Variants in CDH13 observed in about 807,000 individuals in gnomAD.
CDH13 encodes cadherin-13.
A neutral mutation model predicts 63.8 loss-of-function variants in CDH13; 24 were observed. The observed-to-expected ratio is 0.38, with a 90% CI of 0.27 to 0.53. The LOEUF is 0.53. Among genes scored for constraint, CDH13 ranks in the 20% least tolerant of loss-of-function variants. The pLI is 0.85. For synonymous variants in CDH13, 503 were observed against 355.3 expected (o/e 1.42, Z -4.67); for missense variants, 1,049 against 903.1 (o/e 1.16, Z -2.07).
chr16:82,638,825 C>CGCGCGCGCGT (rs1317668459), intron 1 of CDH13, among the ~76,000 whole-genome samples: 24 of 43,592 alleles, frequency 5.5e-4, no homozygotes, highest in Non-Finnish European at 1.0e-3. Context: ...GCAGTGTGTG[C>CGCGCGCGCGT]GTGTGTGCGT....
At chr16:83,232,825 T>C (rs530411891) in intron 5 of CDH13, among the ~76,000 whole-genome samples, 2 of 152,326 alleles carry the variant, frequency 1.3e-5, no homozygotes, top group South Asian at 2.1e-4. Flanking sequence ...TATTTAGGAA[T>C]TGATAGCTCC....
chr16:83,778,708 C>G (rs1039096583), intron 11 of CDH13, among the ~76,000 whole-genome samples: 1 of 152,188 alleles, frequency 6.6e-6, no homozygotes, highest in Non-Finnish European at 1.5e-5. Flanking sequence ...CTGTAGCCAG[C>G]TAGTGATCTC....
intron 1 of CDH13, among the ~76,000 whole-genome samples, chr16:82,786,915 AG>A (rs1168443399): frequency 6.6e-6 from 1 of 152,118 alleles, no homozygotes. Flanking sequence ...GTATTGGACA[AG>A]GGTCATGACT....
chr16:83,493,072 G>T (rs746273715), intron 7 of CDH13, among the ~76,000 whole-genome samples: 2 of 152,052 alleles, frequency 1.3e-5, no homozygotes, highest in Non-Finnish European at 2.9e-5. Context: ...TCTAAACCTC[G>T]ATTTCTTCAT....
intron 2 of CDH13, among the ~76,000 whole-genome samples, chr16:83,014,933 A>T (rs1278738074): frequency 6.8e-6 from 1 of 147,830 alleles, no homozygotes; most frequent in Non-Finnish European, 1.5e-5. Context: ...GTTGGTAATT[A>T]ATGAAACGGA....
chr16:83,235,949 T>TC (rs2040130787), intron 5 of CDH13, among the ~76,000 whole-genome samples: 1 of 152,192 alleles, frequency 6.6e-6, no homozygotes, highest in African/African-American at 2.4e-5. Flanking sequence ...AAGTTTTGAG[T>TC]TGTTACCATT....
intron 7 of CDH13, among the ~76,000 whole-genome samples, chr16:83,491,467 T>C (rs2074009738): frequency 6.6e-6 from 1 of 152,240 alleles, no homozygotes. Context: ...TTTTATTTAG[T>C]TGATCATCTT....
chr16:83,330,289 G>T (rs1408012425), intron 5 of CDH13, among the ~76,000 whole-genome samples: 1 of 152,192 alleles, frequency 6.6e-6, no homozygotes, highest in Non-Finnish European at 1.5e-5. Context: ...CCAATATCCT[G>T]CTTGTGATAC....
intron 9 of CDH13, among the ~76,000 whole-genome samples, chr16:83,672,119 C>T (rs1466273735): frequency 6.6e-6 from 1 of 152,200 alleles, no homozygotes; most frequent in East Asian, 1.9e-4. Flanking sequence ...TTGGCCAAGA[C>T]ACCCATGTTT....
Position 83,018,559 on chromosome 16 carries a change from G to C in CDH13, c.158-13451G>C, listed in dbSNP as rs35993400. 2.0e-5 allele frequency among the ~76,000 whole-genome samples: 3 copies of C among 152,272 alleles called. No individual in the cohort carries two copies. The South Asian group carries it at 6.2e-4, about 32-fold the overall frequency. ...GACAAGCACATTATTTCACCCAGAA[G>C]GAACTAGATCTTCCAAATGGTAACC... On this transcript the variant is annotated intron_variant, in intron 2 of 13. Transcript: ENST00000567109.
At chr16:82,713,056 GGT>G (rs10617791) in intron 1 of CDH13, among the ~76,000 whole-genome samples, 110,784 of 150,154 alleles carry the variant, frequency 0.74, 42,525 homozygotes, top group East Asian at 0.88. Context: ...GTGTGTGTGT[GGT>G]GTGTGTGTGT....
chr16:83,400,108 G>C (rs749635550), intron 6 of CDH13, among the ~76,000 whole-genome samples: 27 of 151,328 alleles, frequency 1.8e-4, no homozygotes, highest in Non-Finnish European at 3.4e-4. Context: ...CTGAGGCCTA[G>C]ATAATTCTGA....
At chr16:82,936,150 C>T (rs1346279042) in intron 2 of CDH13, among the ~76,000 whole-genome samples, 5 of 152,174 alleles carry the variant, frequency 3.3e-5, no homozygotes, top group African/African-American at 1.2e-4. Context: ...CCATCTTGAA[C>T]ATGTCTAGTC....
chr16:83,501,639 A>G (rs1329314050), intron 7 of CDH13, among the ~76,000 whole-genome samples: 3 of 152,162 alleles, frequency 2.0e-5, no homozygotes, highest in Admixed American at 6.5e-5. Flanking sequence ...CATCCATTCT[A>G]CTAGGAGGGT....
At chr16:83,061,048 G>A (rs1347946121) in intron 3 of CDH13, among the ~76,000 whole-genome samples, 2 of 152,160 alleles carry the variant, frequency 1.3e-5, no homozygotes, top group African/African-American at 4.8e-5. Context: ...AAAGAATATA[G>A]GAATAAATAC....
At chr16:82,791,300 A>AC (rs2036291800) in intron 1 of CDH13, among the ~76,000 whole-genome samples, 1 of 152,182 alleles carries the variant, frequency 6.6e-6, no homozygotes. Flanking sequence ...ACCCACTTTT[A>AC]AACACGGGGC....
intron 5 of CDH13, among the ~76,000 whole-genome samples, chr16:83,232,325 G>C (rs1363245453): frequency 2.1e-5 from 3 of 144,646 alleles, no homozygotes; most frequent in Non-Finnish European, 4.5e-5. Flanking sequence ...AGGAGTTCAA[G>C]ACCAACCTGG....
intron 6 of CDH13, among the ~76,000 whole-genome samples, chr16:83,479,056 T>C (rs188373391): frequency 4.7e-4 from 71 of 152,316 alleles, no homozygotes; most frequent in Non-Finnish European, 8.8e-4. Context: ...TTATCTTTCA[T>C]CAACTAGTCA....
intron 4 of CDH13, among the ~76,000 whole-genome samples, chr16:83,216,443 T>TATATATATATATATATATACAC (rs1472700247): frequency 2.1e-5 from 2 of 93,420 alleles, no homozygotes; most frequent in African/African-American, 7.9e-5. Context: ...TATATATATA[T>TATATATATATATATATATACAC]ACACAACCCT....
Sources: gnomAD v4.1 joint callset for allele counts (sites outside exome capture counted in the v4.1 genomes callset) on GRCh38, gnomAD v4.1.1 for gene constraint, MANE v1.5 for transcripts, NCBI Gene and HGNC (gene_info 2026-07-23, HGNC 2026-07-21) for gene names.